HSD17B6: variants seen among roughly 807,000 people sequenced by gnomAD.
HSD17B6 encodes hydroxysteroid 17-beta dehydrogenase 6.
HSD17B6 carries 16 observed loss-of-function variants against 26.4 expected under a neutral mutation model. The observed-to-expected ratio is 0.61, with a 90% CI of 0.41 to 0.92. HSD17B6 has a LOEUF of 0.92. Ranked by LOEUF, HSD17B6 falls within the 40% of genes least tolerant of loss-of-function variation. The pLI is 0.00. For missense variants in HSD17B6, 357 were observed against 386.1 expected (o/e 0.92, Z 0.63); for synonymous variants, 139 against 153.0 (o/e 0.91, Z 0.68).
At chr12:56,765,401 A>G (rs984518578) in intron 1 of HSD17B6, among the ~76,000 whole-genome samples, 1 of 152,044 alleles carries the variant, frequency 6.6e-6, no homozygotes. Context: ...ACGCCACTGC[A>G]CTCCAGCCTG....
intron 2 of HSD17B6, among the ~76,000 whole-genome samples, chr12:56,779,187 AG>A (rs1484858842): frequency 7.9e-5 from 12 of 151,696 alleles, no homozygotes; most frequent in African/African-American, 2.9e-4. Flanking sequence ...TCCAGGTTGG[AG>A]TGTAGTGCCA....
chr12:56,771,215 C>T (rs554586650), intron 1 of HSD17B6, among the ~76,000 whole-genome samples: 15 of 152,292 alleles, frequency 9.8e-5, no homozygotes, highest in African/African-American at 3.1e-4. Flanking sequence ...CCCTCTCCTT[C>T]CCGAGGTGTC....
chr12:56,783,345 G>C (rs1160818481), intron 3 of HSD17B6, among the ~76,000 whole-genome samples: 13 of 137,194 alleles, frequency 9.5e-5, no homozygotes, highest in Non-Finnish European at 1.6e-4. Flanking sequence ...CCCGGACGGG[G>C]CGGCTGGCCG....
intron 1 of HSD17B6, among the ~76,000 whole-genome samples, chr12:56,767,235 A>G (rs975978400): frequency 1.3e-5 from 2 of 152,048 alleles, no homozygotes; most frequent in Non-Finnish European, 2.9e-5. Flanking sequence ...ATACACTGCC[A>G]GGCGCGGTGG....
At chr12:56,784,770 A>T in intron 3 of HSD17B6, 83 bp from the exon 4 acceptor site, 1 of 1,349,080 alleles carries the variant, frequency 7.4e-7, no homozygotes, top group South Asian at 1.4e-5. Flanking sequence ...GGTATTTTAT[A>T]ATCTTTTTTG....
At chr12:56,765,663 C>T (rs1954311347) in intron 1 of HSD17B6, among the ~76,000 whole-genome samples, 1 of 151,646 alleles carries the variant, frequency 6.6e-6, no homozygotes, top group African/African-American at 2.4e-5. Context: ...AGGCACTCCC[C>T]ACCATGCCTG....
intron 2 of HSD17B6, among the ~76,000 whole-genome samples, chr12:56,778,560 A>T (rs1250707647): frequency 6.6e-6 from 1 of 152,080 alleles, no homozygotes; most frequent in African/African-American, 2.4e-5. Context: ...TACAGGCATG[A>T]GCCACTGCGC....
chr12:56,781,859 C>T (rs1029382339), intron 2 of HSD17B6, 115 bp from the exon 3 acceptor site: 3 of 1,070,726 alleles, frequency 2.8e-6, no homozygotes, highest in Non-Finnish European at 4.1e-6. Flanking sequence ...TGCAAACTCT[C>T]ATGGGGGTGG....
At chr12:56,770,398 G>C (rs1954444758) in intron 1 of HSD17B6, 1 of 152,310 alleles carries the variant, frequency 6.6e-6, no homozygotes. Flanking sequence ...ATTGGCTTCT[G>C]TGCCCTTCAC....
At chr12:56,785,245 G>A (rs1298003584) in intron 4 of HSD17B6, among the ~76,000 whole-genome samples, 4 of 152,134 alleles carry the variant, frequency 2.6e-5, no homozygotes, top group Non-Finnish European at 5.9e-5. Flanking sequence ...AGCCCCTTAT[G>A]AAACCATCAG....
rs770130958 is a variant in HSD17B6 at position 56,787,155 on chromosome 12, AT to A, written c.769del (p.Cys257ValfsTer5). 14 of 1,614,024 alleles carry A rather than the reference AT, an allele frequency of 8.7e-6. No homozygotes were observed. The highest frequency in any genetic ancestry group is 5.1e-6 in the Non-Finnish European group (6 of 1,179,964). On this transcript the variant is annotated frameshift_variant, in exon 5 of 5. Coordinates refer to ENST00000322165, the MANE Select transcript of HSD17B6 (RefSeq NM_003725.4). LOFTEE classifies it low-confidence loss of function (END_TRUNC). ...AATATCATGAAGGAAGGGCTGTTGA[AT>A]TGTAGCACAAACCTGAACCTGGTCA... Reference protein sequence around the residue: ...LYNIMKEGLLNCSTNLNLVTD... With the variant: ...LYNIMKEGLLXCSTNLNLVTD...
At chr12:56,776,085 C>T (rs764918546) in intron 2 of HSD17B6, among the ~76,000 whole-genome samples, 5 of 151,488 alleles carry the variant, frequency 3.3e-5, no homozygotes, top group South Asian at 2.1e-4. Context: ...ACCACCATAC[C>T]GGGCTAATTT....
intron 1 of HSD17B6, 23 bp downstream of exon 1, chr12:56,763,437 T>TG (rs1178145402): frequency 1.5e-5 from 2 of 136,208 alleles, no homozygotes; most frequent in Non-Finnish European, 3.2e-5. Flanking sequence ...GTAAGGGTGG[T>TG]TGTGTGTGTG....
chr12:56,783,663 G>A (rs1198974936), intron 3 of HSD17B6, among the ~76,000 whole-genome samples: 2 of 118,052 alleles, frequency 1.7e-5, no homozygotes, highest in Non-Finnish European at 3.6e-5. Flanking sequence ...CCTCCCTCTC[G>A]GACGGGACGG....
chr12:56,775,917 T>C (rs1392056174), intron 2 of HSD17B6, among the ~76,000 whole-genome samples: 1 of 152,190 alleles, frequency 6.6e-6, no homozygotes, highest in Non-Finnish European at 1.5e-5. Flanking sequence ...TTTCCAGATG[T>C]CATATAGTTG....
chr12:56,769,817 C>T (rs576946298), intron 1 of HSD17B6, among the ~76,000 whole-genome samples: 3 of 152,252 alleles, frequency 2.0e-5, no homozygotes, highest in Admixed American at 6.5e-5. Flanking sequence ...TTGAAATATT[C>T]GAGGCACATT....
intron 1 of HSD17B6, among the ~76,000 whole-genome samples, chr12:56,767,639 A>AT (rs547535428): frequency 7.1e-6 from 1 of 140,466 alleles, no homozygotes; most frequent in Non-Finnish European, 1.5e-5. Flanking sequence ...ATATTATATT[A>AT]ATATATTATA....
chr12:56,773,120 T>A (rs1015261937), intron 1 of HSD17B6, among the ~76,000 whole-genome samples: 2 of 152,208 alleles, frequency 1.3e-5, no homozygotes, highest in African/African-American at 4.8e-5. Context: ...TGCTTCTGAT[T>A]GGTCTAGGTT....
At chr12:56,769,103 GTTTT>G (rs35174136) in intron 1 of HSD17B6, among the ~76,000 whole-genome samples, 3 of 130,030 alleles carry the variant, frequency 2.3e-5, no homozygotes. Flanking sequence ...GCTTTTCAAG[GTTTT>G]TTTTTTTTTT....
Sources: gnomAD v4.1 joint callset for allele counts (sites outside exome capture counted in the v4.1 genomes callset) on GRCh38, gnomAD v4.1.1 for gene constraint, MANE v1.5 for transcripts, NCBI Gene and HGNC (gene_info 2026-07-23, HGNC 2026-07-21) for gene names.